Variants in PLEKHA6 observed in about 807,000 individuals in gnomAD.
The protein encoded by PLEKHA6 is pleckstrin homology domain containing A6, also known as pleckstrin homology domain-containing family A member 6.
PLEKHA6 carries 60 observed loss-of-function variants against 116.7 expected under a neutral mutation model. The ratio of observed to expected loss-of-function variants is 0.51; its 90% CI spans 0.42 to 0.64. The LOEUF is 0.64. Among genes scored for constraint, PLEKHA6 ranks in the 30% least tolerant of loss-of-function variants. The pLI is 0.00. For synonymous variants in PLEKHA6, 489 were observed against 556.1 expected (o/e 0.88, Z 1.70); for missense variants, 1,338 against 1,422.7 (o/e 0.94, Z 0.96).
chr1:204,292,038 T>C (rs1253508221), intron 1 of PLEKHA6, among the ~76,000 whole-genome samples: 1 of 152,232 alleles, frequency 6.6e-6, no homozygotes, highest in South Asian at 2.1e-4. Flanking sequence ...GGTTTCCTAC[T>C]GACCTGCTTT....
intron 2 of PLEKHA6, among the ~76,000 whole-genome samples, chr1:204,370,637 C>T (rs914485981): frequency 1.4e-4 from 22 of 152,210 alleles, no homozygotes; most frequent in African/African-American, 4.6e-4. Context: ...TGAGGGCTAC[C>T]AGTGATGTTT....
intron 1 of PLEKHA6, among the ~76,000 whole-genome samples, chr1:204,359,234 C>A (rs1273345237): frequency 1.3e-5 from 2 of 151,992 alleles, no homozygotes; most frequent in African/African-American, 2.4e-5. Flanking sequence ...TGATACACAC[C>A]CTGACCCCTC....
intron 1 of PLEKHA6, among the ~76,000 whole-genome samples, chr1:204,283,392 C>G (rs1668841444): frequency 6.6e-6 from 1 of 152,140 alleles, no homozygotes; most frequent in South Asian, 2.1e-4. Flanking sequence ...GTTGAGCAGA[C>G]AACACAAATC....
At chr1:204,305,621 C>G (rs1367750083) in intron 1 of PLEKHA6, among the ~76,000 whole-genome samples, 14 of 152,162 alleles carry the variant, frequency 9.2e-5, no homozygotes, top group Non-Finnish European at 8.8e-5. Flanking sequence ...TTGGTCTGAG[C>G]TGCAAAGCAC....
At chr1:204,251,447 C>T in intron 9 of PLEKHA6, 1 of 665,512 alleles carries the variant, frequency 1.5e-6, no homozygotes, top group Non-Finnish European at 2.7e-6. Flanking sequence ...GTGGCGTGAG[C>T]CTCATCCTAG....
At position 204,274,807 on chromosome 1, in the gene PLEKHA6, T is replaced by A; in HGVS notation, c.-92A>T. ...TAGAAATGTGTTCCGTCTTTCATTG[T>A]GGCTGTAGAGGGAAAAACAGAAGAG... On this transcript the variant is annotated splice_region_variant and 5_prime_UTR_variant, in exon 2 of 23. Coordinates refer to ENST00000272203, the MANE Select transcript of PLEKHA6 (RefSeq NM_014935.5). 1.0e-6 allele frequency: 1 copy of A among 985,840 alleles called. No individual in the cohort carries two copies. The highest frequency in any genetic ancestry group is 1.2e-6 in the Non-Finnish European group (1 of 829,920). The allele number at this position is 985,840 out of a possible 1,614,324, so 61.1% of individuals were successfully genotyped here.
intron 12 of PLEKHA6, among the ~76,000 whole-genome samples, chr1:204,247,975 G>A (rs962133609): frequency 1.3e-5 from 2 of 151,350 alleles, no homozygotes; most frequent in Non-Finnish European, 2.9e-5. Flanking sequence ...AATTTAAGTG[G>A]AGGTCAAAGA....
intron 18 of PLEKHA6, 71 bp downstream of exon 18, chr1:204,230,342 G>A (rs1264803208): frequency 5.5e-6 from 7 of 1,273,232 alleles, no homozygotes; most frequent in Non-Finnish European, 6.4e-6. Flanking sequence ...GCCCAAGCTG[G>A]CCATGCCCTG....
chr1:204,257,583 C>T lies in PLEKHA6; in HGVS notation c.1294G>A (p.Val432Ile). 1.2e-6 allele frequency: 2 copies of T among 1,608,242 alleles called. No individual in the cohort carries two copies. Among genetic ancestry groups the T allele is most frequent in the Non-Finnish European group, 1.7e-6 (2 of 1,177,342 alleles). The change falls in exon 9 of 23, where the codon GTC (valine) becomes ATC (isoleucine). Residue 432 changes from valine (V) to isoleucine (I), a missense_variant. Physicochemically the swap from Val to Ile is conservative, Grantham distance 29 (BLOSUM62 3). Around this residue, in one of 3 missense-constraint regions of PLEKHA6, gnomAD observed 1,136 missense variants for 1,163.6 expected, o/e 0.98. Coordinates refer to ENST00000272203, the MANE Select transcript of PLEKHA6 (RefSeq NM_014935.5). The surrounding 1 kb of genome is among the most constrained non-coding windows in gnomAD (Gnocchi z 6.5). ...GCGGCATCCAGCTCATCATAATAGA[C>T]TGGCTGCCGGGAGGGGCTTGGGATC... is the stretch of plus-strand genomic sequence containing the variant. ...VWIPSPSRQP[V>I]YYDELDAASS...
At chr1:204,316,854 A>G (rs747065122) in intron 1 of PLEKHA6, among the ~76,000 whole-genome samples, 1 of 152,232 alleles carries the variant, frequency 6.6e-6, no homozygotes, top group East Asian at 1.9e-4. Context: ...CAATCACCCT[A>G]CTGGTATTTT....
At chr1:204,367,129 A>G (rs1033762957) in intron 3 of PLEKHA6, among the ~76,000 whole-genome samples, 3 of 152,156 alleles carry the variant, frequency 2.0e-5, no homozygotes, top group African/African-American at 7.2e-5. Context: ...AGTGAGTTCA[A>G]CTGGGTAGCT....
At chr1:204,252,246 T>C (rs1217270100) in intron 9 of PLEKHA6, among the ~76,000 whole-genome samples, 4 of 150,542 alleles carry the variant, frequency 2.7e-5, no homozygotes, top group Admixed American at 2.0e-4. Context: ...CACCAGGCTT[T>C]CCAACACATT....
intron 1 of PLEKHA6, among the ~76,000 whole-genome samples, chr1:204,298,559 G>T (rs1036933880): frequency 2.0e-5 from 3 of 152,176 alleles, no homozygotes; most frequent in African/African-American, 7.2e-5. Flanking sequence ...GCTAGGCCTT[G>T]CCCGTCCTCA....
chr1:204,337,528 T>C (rs1444098113), intron 1 of PLEKHA6, among the ~76,000 whole-genome samples: 1 of 152,066 alleles, frequency 6.6e-6, no homozygotes, highest in Non-Finnish European at 1.5e-5. Flanking sequence ...AGACAACAAG[T>C]GAGCATGAGA....
In PLEKHA6 at chr1:204,244,885, G is replaced by A. The variant is rs773484148; in HGVS notation, c.2151C>T (p.Pro717=). 6.4e-7 allele frequency: 1 copy of A among 1,561,946 alleles called. No homozygotes were observed. Among genetic ancestry groups the A allele is most frequent in the Non-Finnish European group, 8.7e-7 (1 of 1,152,398 alleles). The part of the protein sequence containing the change: ...FSLVSGSQGS[P]TKPGSNEPKA... Reference sequence around the variant, plus strand: ...TTACCTCGTTGGAGCCAGGCTTGGTGGGGGACCCCTGAGAGCCCGACACCA... The same window carrying A: ...TTACCTCGTTGGAGCCAGGCTTGGTAGGGGACCCCTGAGAGCCCGACACCA... The change falls in exon 15 of 23, where the codon CCC becomes CCT. Residue 717 remains proline (P), a synonymous_variant. Coordinates refer to ENST00000272203, the MANE Select transcript of PLEKHA6 (RefSeq NM_014935.5).
rs1018793137 is a variant in PLEKHA6 at position 204,238,287 on chromosome 1, C to G, written c.2409+3088G>C. On this transcript the variant is annotated intron_variant, in intron 17 of 22. Transcript: ENST00000272203. This position sits in a 1 kb window ranked among gnomAD's most constrained non-coding sequence, Gnocchi z 4.2. The stretch of plus-strand genomic sequence containing the variant: ...GGTGCTTGAGGTGTCAGTGACAGAT[C>G]GGGATGCTGTTTGGAGCCTTTGGCA... Among the ~76,000 whole-genome samples the G allele has an allele frequency of 6.6e-6, 1 of 152,144 alleles. No individual in the cohort carries two copies. The highest frequency in any genetic ancestry group is 2.4e-5 in the African/African-American group (1 of 41,434).
chr1:204,319,419 T>A (rs1038519507), intron 1 of PLEKHA6, among the ~76,000 whole-genome samples: 7 of 152,322 alleles, frequency 4.6e-5, no homozygotes, highest in South Asian at 2.1e-4. Context: ...ATTATTTTTT[T>A]AAAAACTGAG....
At chr1:204,237,129 C>T (rs1662172226) in intron 17 of PLEKHA6, among the ~76,000 whole-genome samples, 1 of 152,168 alleles carries the variant, frequency 6.6e-6, no homozygotes, top group African/African-American at 2.4e-5. Context: ...AAAGTAGGAG[C>T]TTATGGAGGT....
chr1:204,366,806 A>C (rs1673670177), intron 3 of PLEKHA6, among the ~76,000 whole-genome samples: 1 of 152,234 alleles, frequency 6.6e-6, no homozygotes, highest in South Asian at 2.1e-4. Flanking sequence ...TGTAGGTGGT[A>C]GATGGTGGCA....
Sources: allele counts gnomAD v4.1 joint callset (sites outside exome capture counted in the v4.1 genomes callset), GRCh38; gene constraint gnomAD v4.1.1; regional missense constraint gnomAD v4.1.1; non-coding constraint Gnocchi (gnomAD v3.1); transcripts MANE v1.5; gene names NCBI Gene and HGNC (gene_info 2026-07-23, HGNC 2026-07-21).